MDGA2: variants seen among roughly 807,000 people sequenced by gnomAD.
MDGA2 encodes the protein MAM domain containing glycosylphosphatidylinositol anchor 2.
MDGA2 carries 40 observed loss-of-function variants against 117.8 expected under a neutral mutation model. The ratio of observed to expected loss-of-function variants is 0.34; its 90% CI spans 0.26 to 0.44. The LOEUF (loss-of-function observed/expected upper bound fraction) is 0.44, where lower values mean the gene tolerates loss of function less well. MDGA2 is among the 20% of genes least tolerant of loss of function. MDGA2 has a pLI of 1.00. For synonymous variants in MDGA2, 452 were observed against 439.0 expected, an observed-to-expected ratio of 1.03 and a Z score of -0.37; for missense variants, 1,123 against 1,250.6, an observed-to-expected ratio of 0.90 and a Z score of 1.54.
At chr14:47,262,896 T>C (rs777778178) in intron 2 of MDGA2, among the ~76,000 whole-genome samples, 4 of 152,180 alleles carry the variant, frequency 2.6e-5, no homozygotes, top group Non-Finnish European at 5.9e-5. Context: ...AGCCAAAGAA[T>C]GATACTACCT....
At chr14:47,638,836 C>G (rs1204641636) in intron 1 of MDGA2, among the ~76,000 whole-genome samples, 4 of 152,172 alleles carry the variant, frequency 2.6e-5, no homozygotes, top group Non-Finnish European at 5.9e-5. Flanking sequence ...ACCATTCAGA[C>G]CCTACAATTC....
At chr14:47,099,162 C>G (rs1880155302) in intron 5 of MDGA2, among the ~76,000 whole-genome samples, 2 of 151,760 alleles carry the variant, frequency 1.3e-5, no homozygotes, top group African/African-American at 4.8e-5. Flanking sequence ...AATTTCAAGA[C>G]TTTAAAAATA....
chr14:47,148,607 C>T (rs1039241128), intron 3 of MDGA2, among the ~76,000 whole-genome samples: 1 of 152,168 alleles, frequency 6.6e-6, no homozygotes, highest in African/African-American at 2.4e-5. Context: ...TGACATTTCT[C>T]AAAGTATCTC....
At chr14:47,483,446 C>A (rs971967690) in intron 1 of MDGA2, among the ~76,000 whole-genome samples, 2 of 152,068 alleles carry the variant, frequency 1.3e-5, no homozygotes, top group Non-Finnish European at 2.9e-5. Context: ...TTCGTCCTGT[C>A]CCGTCATTCT....
intron 1 of MDGA2, among the ~76,000 whole-genome samples, chr14:47,494,057 C>T (rs1243733387): frequency 2.0e-5 from 3 of 152,120 alleles, no homozygotes; most frequent in Non-Finnish European, 4.4e-5. Context: ...TTATAAGGGG[C>T]TTTAATTCTC....
chr14:47,648,493 A>G (rs549888811), intron 1 of MDGA2, among the ~76,000 whole-genome samples: 14 of 152,200 alleles, frequency 9.2e-5, no homozygotes, highest in African/African-American at 3.1e-4. Flanking sequence ...TATATACATA[A>G]TGTCTAATAA....
chr14:47,472,986 G>A (rs1893760981), intron 1 of MDGA2, among the ~76,000 whole-genome samples: 1 of 152,080 alleles, frequency 6.6e-6, no homozygotes, highest in South Asian at 2.1e-4. Context: ...TATAACTGAG[G>A]GTTAGAACCC....
intron 8 of MDGA2, among the ~76,000 whole-genome samples, chr14:47,033,544 CT>C (rs1004585508): frequency 2.0e-5 from 3 of 152,072 alleles, no homozygotes; most frequent in Admixed American, 6.6e-5. Flanking sequence ...TCTTTCTTTT[CT>C]TTTTTTCTGA....
intron 1 of MDGA2, among the ~76,000 whole-genome samples, chr14:47,523,780 G>C (rs1594898867): frequency 6.6e-6 from 1 of 152,262 alleles, no homozygotes; most frequent in East Asian, 1.9e-4. Context: ...AGAGATATCT[G>C]TTTTTATTTT....
At chr14:47,231,439 C>A (rs1886685842) in intron 2 of MDGA2, among the ~76,000 whole-genome samples, 1 of 152,052 alleles carries the variant, frequency 6.6e-6, no homozygotes, top group Non-Finnish European at 1.5e-5. Context: ...CTCAATCTCA[C>A]TTTGATGTTA....
chr14:47,636,784 C>CAAAAAAA lies in MDGA2; in HGVS notation c.280+37726_280+37732dup, dbSNP rs56313968. ...TGGGCGACAGAGCGAGACTCCGTCTCAAAAAAAAAAAAAAAAAAAAAAAAA... is the reference window on the plus strand; with the variant it reads ...TGGGCGACAGAGCGAGACTCCGTCTCAAAAAAAAAAAAAAAAAAAAAAAAAAAAAAAA... On this transcript the variant is annotated intron_variant, in intron 1 of 16. Transcript: ENST00000399232. Among the ~76,000 whole-genome samples the CAAAAAAA allele has an allele frequency of 5.4e-4, 25 of 45,996 alleles. 2 individuals are homozygous for CAAAAAAA. The highest frequency in any genetic ancestry group is 1.5e-3 in the East Asian group (2 of 1,292). 30.2% of individuals were successfully genotyped at this position (45,996 alleles called of 152,430 possible).
intron 5 of MDGA2, among the ~76,000 whole-genome samples, chr14:47,119,807 C>T (rs1014067988): frequency 2.0e-5 from 3 of 152,048 alleles, no homozygotes; most frequent in Non-Finnish European, 2.9e-5. Context: ...AATAAAGAAC[C>T]CATATTACCT....
intron 10 of MDGA2, among the ~76,000 whole-genome samples, chr14:46,903,426 C>A (rs959599520): frequency 5.3e-5 from 8 of 152,044 alleles, no homozygotes; most frequent in African/African-American, 1.7e-4. Flanking sequence ...TACTTATATA[C>A]CTTGACTTTT....
chr14:47,048,035 T>C (rs1000223982), intron 7 of MDGA2, among the ~76,000 whole-genome samples: 2 of 152,094 alleles, frequency 1.3e-5, no homozygotes, highest in African/African-American at 4.8e-5. Context: ...TAATTTGATC[T>C]ATATGTTTGG....
At chr14:47,521,484 T>G (rs1894865914) in intron 1 of MDGA2, among the ~76,000 whole-genome samples, 1 of 152,156 alleles carries the variant, frequency 6.6e-6, no homozygotes, top group African/African-American at 2.4e-5. Context: ...CAGTAGTAAT[T>G]AGGCTCATTT....
At chr14:47,672,871 T>C (rs1566569024) in intron 1 of MDGA2, among the ~76,000 whole-genome samples, 2 of 152,110 alleles carry the variant, frequency 1.3e-5, no homozygotes, top group Non-Finnish European at 2.9e-5. Flanking sequence ...ACTAAGTTAA[T>C]TCCTACTCTT....
intron 2 of MDGA2, among the ~76,000 whole-genome samples, chr14:47,296,510 T>C (rs1478704851): frequency 6.6e-6 from 1 of 152,174 alleles, no homozygotes; most frequent in South Asian, 2.1e-4. Context: ...TAAATAGAGA[T>C]GTACAAGTGA....
At chr14:47,580,879 A>G (rs1018630481) in intron 1 of MDGA2, among the ~76,000 whole-genome samples, 10 of 152,026 alleles carry the variant, frequency 6.6e-5, no homozygotes, top group Admixed American at 4.6e-4. Flanking sequence ...CAGGTTACAC[A>G]TCAAAGGAGC....
At chr14:47,569,298 A>C (rs149027188) in intron 1 of MDGA2, among the ~76,000 whole-genome samples, 20 of 152,334 alleles carry the variant, frequency 1.3e-4, no homozygotes, top group African/African-American at 4.8e-4. Context: ...TCCTCATTTT[A>C]ATCCACAATT....
Sources: allele counts gnomAD v4.1 joint callset (sites outside exome capture counted in the v4.1 genomes callset), GRCh38; gene constraint gnomAD v4.1.1; transcripts MANE v1.5; gene names NCBI Gene and HGNC (gene_info 2026-07-23, HGNC 2026-07-21).